The following SKIDA1 variants were observed in gnomAD, a reference collection of about 807,000 sequenced individuals.
SKIDA1 encodes SKI/DACH domain-containing protein 1.
In SKIDA1, 18 loss-of-function variants were observed where a neutral mutation model predicts 51.4. That is an observed-to-expected ratio of 0.35 (90% confidence interval 0.24 to 0.52). The LOEUF is 0.52. Among genes scored for constraint, SKIDA1 ranks in the 20% least tolerant of loss-of-function variants. The probability of loss-of-function intolerance (pLI) is 0.95; values close to 1 mark genes in which losing one functional copy is unlikely to be tolerated. For synonymous variants in SKIDA1, 579 were observed against 500.5 expected (o/e 1.16, Z -2.09); for missense variants, 1,104 against 1,180.6 (o/e 0.94, Z 0.95).
chr10:21,516,403 G>T lies in SKIDA1; in HGVS notation c.1420C>A (p.Pro474Thr). Residue 474 changes from proline to threonine, a missense_variant, in exon 4 of 4, where the codon CCT (proline) becomes ACT (threonine). Pro to Thr is a conservative substitution (Grantham distance 38). This residue lies in a region of SKIDA1 where 938 missense variants were observed against 886.4 expected (regional missense o/e 1.06). Transcript: ENST00000449193. This position sits in a 1 kb window ranked among gnomAD's most constrained non-coding sequence, Gnocchi z 5.7. ...IRFRRTSFCK[P>T]PSVQAQANFL... is the part of the protein sequence containing the mutation. ...TTGGCCTGCGCCTGCACGCTGGGAG[G>T]CTTGCAGAAGCTGGTGCGCCTGAAT... The T allele has an allele frequency of 6.2e-7, 1 of 1,613,476 alleles. No homozygotes were observed. Among genetic ancestry groups the T allele is most frequent in the South Asian group, 1.1e-5 (1 of 91,078 alleles).
chr10:21,522,304 T>TCAC (rs1442331894), intron 2 of SKIDA1, among the ~76,000 whole-genome samples: 1 of 29,780 alleles, frequency 3.4e-5, no homozygotes, highest in African/African-American at 1.3e-4. Flanking sequence ...CACCAGCTCT[T>TCAC]CACCATATAC....
Position 21,514,978 on chromosome 10 carries a change from C to A in SKIDA1, c.*118G>T, listed in dbSNP as rs2032154884. ...TAATCCGATTTCTGTCTTCAAAATGCGATAAACCAGGACTCCAAAGGGGGT... is the reference window on the plus strand; with the variant it reads ...TAATCCGATTTCTGTCTTCAAAATGAGATAAACCAGGACTCCAAAGGGGGT... On this transcript the variant is annotated 3_prime_UTR_variant, in exon 4 of 4. Transcript: ENST00000449193. The A allele has an allele frequency of 3.9e-6, 4 of 1,016,360 alleles. No individual in the cohort carries two copies. The highest frequency in any genetic ancestry group is 3.7e-5 in the African/African-American group (2 of 54,548). 63.0% of individuals were successfully genotyped at this position (1,016,360 alleles called of 1,614,324 possible).
rs1232638678 is a variant in SKIDA1, at chr10:21,514,542, G to A, written c.*554C>T. The A allele has an allele frequency of 1.3e-5, 2 of 148,808 alleles. No individual in the cohort carries two copies. The highest frequency in any genetic ancestry group is 2.5e-5 in the African/African-American group (1 of 40,304). The allele number at this position is 148,808 out of a possible 1,614,324, so 9.2% of individuals were successfully genotyped here. On this transcript the variant is annotated 3_prime_UTR_variant, in exon 4 of 4. Coordinates refer to ENST00000449193, the MANE Select transcript of SKIDA1 (RefSeq NM_207371.4). ...GCAACTACTCTTGGAGAGGGAATAA[G>A]GGGAGTCAAAAGAAAAAGATACCCC...
Position 21,514,210 on chromosome 10 carries a change from C to A in SKIDA1, c.*886G>T, listed in dbSNP as rs11012728. 9.7e-6 allele frequency: 1 copy of A among 102,974 alleles called. No individual in the cohort carries two copies. The highest frequency in any genetic ancestry group is 1.9e-5 in the Non-Finnish European group (1 of 52,156). The allele number at this position is 102,974 out of a possible 1,614,324, so 6.4% of individuals were successfully genotyped here. On this transcript the variant is annotated 3_prime_UTR_variant, in exon 4 of 4. Transcript: ENST00000449193. ...AGCCTGGGCGACACAGCGAGACTCT[C>A]TCCAAAAAAAAAAAAAAAAAAAAAA...
Position 21,517,246 on chromosome 10 carries a change from G to C in SKIDA1, c.577C>G (p.Leu193Val), listed in dbSNP as rs906136033. The C allele has an allele frequency of 1.4e-6, 2 of 1,474,158 alleles. No individual in the cohort carries two copies. Among genetic ancestry groups the C allele is most frequent in the Non-Finnish European group, 1.8e-6 (2 of 1,109,796 alleles). The allele number at this position is 1,474,158 out of a possible 1,614,324, so 91.3% of individuals were successfully genotyped here. ...EIVRSPCKPP[L>V]NYETAPLQGN... ...TGGAGCGGGGCAGTTTCATAGTTTA[G>C]AGGGGGTTTGCACGGCGAGCGCACG... The change falls in exon 4 of 4, where the codon CTA becomes GTA. Residue 193 changes from leucine to valine, a missense_variant. Physicochemically the swap from Leu to Val is conservative, Grantham distance 32. This residue lies in a region of SKIDA1 where 938 missense variants were observed against 886.4 expected (regional missense o/e 1.06). Coordinates refer to ENST00000449193, the MANE Select transcript of SKIDA1 (RefSeq NM_207371.4). The surrounding 1 kb of genome is among the most constrained non-coding windows in gnomAD (Gnocchi z 6.9).
At position 21,516,087 on chromosome 10, in the gene SKIDA1, G is replaced by T; in HGVS notation, c.1736C>A (p.Ser579Tyr). Residue 579 changes from serine (S) to tyrosine (Y), a missense_variant, in exon 4 of 4, where the codon TCT (serine) becomes TAT (tyrosine). Transcript: ENST00000449193. This position sits in a 1 kb window ranked among gnomAD's most constrained non-coding sequence, Gnocchi z 5.7. Reference protein sequence around the residue: ...LTINCLAEGASSPSPKTNNAF... With the variant: ...LTINCLAEGAYSPSPKTNNAF... ...ATTGTTTGTCTTTGGGCTAGGTGAA[G>T]AGGCCCCCTCTGCCAGGCAGTTAAT... 6.2e-7 allele frequency: 1 copy of T among 1,614,040 alleles called. No homozygotes were observed.
rs2032230161 is a variant in SKIDA1, at chr10:21,516,853, C to G, written c.970G>C (p.Glu324Gln). 7.0e-7 allele frequency: 1 copy of G among 1,434,868 alleles called. No individual in the cohort carries two copies. Among genetic ancestry groups the G allele is most frequent in the South Asian group, 1.5e-5 (1 of 66,470 alleles). 88.9% of individuals were successfully genotyped at this position (1,434,868 alleles called of 1,614,324 possible). The change falls in exon 4 of 4, where the codon GAG (glutamate) becomes CAG (glutamine). Residue 324 changes from glutamate (E) to glutamine (Q), a missense_variant. Coordinates refer to ENST00000449193, the MANE Select transcript of SKIDA1 (RefSeq NM_207371.4). This position sits in a 1 kb window ranked among gnomAD's most constrained non-coding sequence, Gnocchi z 5.7. Reference sequence around the variant, plus strand: ...AAGCCGTTGACCAGATGAAACCTCTCCAGGCAAGTGGCCCCCGCGGCGGCC... The same window carrying G: ...AAGCCGTTGACCAGATGAAACCTCTGCAGGCAAGTGGCCCCCGCGGCGGCC... ...AAAAAGATCL[E>Q]RFHLVNGFCP...
At position 21,516,364 on chromosome 10, in the gene SKIDA1, G is replaced by T. The variant is rs753613725; in HGVS notation, c.1459C>A (p.Leu487Met). 1 of 1,613,346 alleles carries T rather than the reference G, an allele frequency of 6.2e-7. No individual in the cohort carries two copies. Among genetic ancestry groups the T allele is most frequent in the South Asian group, 1.1e-5 (1 of 91,076 alleles). ...TTGGTTGCAGCGGCGGCGGAGGCCA[G>T]ATGGTACAAGAAGTTGGCCTGCGCC... ...VQAQANFLYH[L>M]ASAAAATKPA... is the part of the protein sequence containing the mutation. The change falls in exon 4 of 4, where the codon CTG becomes ATG. Residue 487 changes from leucine (L) to methionine (M), a missense_variant. Around this residue, in one of 3 missense-constraint regions of SKIDA1, gnomAD observed 938 missense variants for 886.4 expected, o/e 1.06. Transcript: ENST00000449193. This position sits in a 1 kb window ranked among gnomAD's most constrained non-coding sequence, Gnocchi z 5.7.
chr10:21,524,914 C>T (rs916090839), intron 1 of SKIDA1: 1 of 152,140 alleles, frequency 6.6e-6, no homozygotes, highest in Non-Finnish European at 1.5e-5. Context: ...CTTTACTCTA[C>T]CTTAAGTAGT....
Position 21,516,314 on chromosome 10 carries a change from G to A in SKIDA1, c.1509C>T (p.Gly503=). The A allele has an allele frequency of 6.2e-7, 1 of 1,613,758 alleles. No individual in the cohort carries two copies. The highest frequency in any genetic ancestry group is 8.5e-7 in the Non-Finnish European group (1 of 1,179,908). ...ATKPAAFEDA[G]RLPDLKSSVK... ...CACTACTCTTGAGGTCGGGAAGTCTGCCGGCATCCTCGAAAGCAGCGGGTT... is the reference window on the plus strand; with the variant it reads ...CACTACTCTTGAGGTCGGGAAGTCTACCGGCATCCTCGAAAGCAGCGGGTT... Residue 503 remains glycine (G), a synonymous_variant, in exon 4 of 4, where the codon GGC becomes GGT. Transcript: ENST00000449193. The surrounding 1 kb of genome is among the most constrained non-coding windows in gnomAD (Gnocchi z 5.7).
rs2032193869 is a variant in SKIDA1 at position 21,516,109 on chromosome 10, T to G, written c.1714A>C (p.Asn572His). ...GAAGAGGCCCCCTCTGCCAGGCAGTTAATTGTCAGGTCAGTTCTCTTTACA... is the reference window on the plus strand; with the variant it reads ...GAAGAGGCCCCCTCTGCCAGGCAGTGAATTGTCAGGTCAGTTCTCTTTACA... ...NAVKRTDLTI[N>H]CLAEGASSPS... is the part of the protein sequence containing the mutation. The change falls in exon 4 of 4, where the codon AAC becomes CAC. Residue 572 changes from asparagine to histidine, a missense_variant. Around this residue, in one of 3 missense-constraint regions of SKIDA1, gnomAD observed 938 missense variants for 886.4 expected, o/e 1.06. Coordinates refer to ENST00000449193, the MANE Select transcript of SKIDA1 (RefSeq NM_207371.4). The surrounding 1 kb of genome is among the most constrained non-coding windows in gnomAD (Gnocchi z 5.7). 1 of 1,614,072 alleles carries G rather than the reference T, an allele frequency of 6.2e-7. No homozygotes were observed. The highest frequency in any genetic ancestry group is 8.5e-7 in the Non-Finnish European group (1 of 1,179,896).
At position 21,515,308 on chromosome 10, in the gene SKIDA1, C is replaced by T. The variant is rs753835762; in HGVS notation, c.2515G>A (p.Ala839Thr). Residue 839 changes from alanine (A) to threonine (T), a missense_variant, in exon 4 of 4, where the codon GCA becomes ACA. By Grantham distance (58) the Ala-to-Thr change is moderately conservative. Transcript: ENST00000449193. ...RKKVASNVAS[A>T]VKRPFHFMAN... is the part of the protein sequence containing the mutation. ...ATGAAATGAAATGGCCTTTTCACTGCTGATGCTACATTGCTGGCTACCTTT... is the reference window on the plus strand; with the variant it reads ...ATGAAATGAAATGGCCTTTTCACTGTTGATGCTACATTGCTGGCTACCTTT... The T allele has an allele frequency of 2.5e-5, 40 of 1,614,036 alleles. 3 individuals are homozygous for T. The South Asian group carries it at 4.2e-4, about 17-fold the overall frequency.
At chr10:21,520,472 A>AC (rs2032361857) in intron 3 of SKIDA1, among the ~76,000 whole-genome samples, 3 of 25,638 alleles carry the variant, frequency 1.2e-4, no homozygotes, top group African/African-American at 1.8e-4. Flanking sequence ...TCGCCCTCCC[A>AC]CCCCCACCCC....
chr10:21,516,972 G>A lies in SKIDA1; in HGVS notation c.851C>T (p.Ala284Val). 1 of 1,182,066 alleles carries A rather than the reference G, an allele frequency of 8.5e-7. No individual in the cohort carries two copies. Among genetic ancestry groups the A allele is most frequent in the Non-Finnish European group, 1.1e-6 (1 of 950,900 alleles). 73.2% of individuals were successfully genotyped at this position (1,182,066 alleles called of 1,614,324 possible). A position where few individuals can be genotyped will look rare whatever the true frequency, so the allele number is the denominator to read the frequency against. ...CAGGCGCCGCGCGCCGGCGTGAGGC[G>A]CGAGCAGGCAGTCCTTGGCGCCGCC... ...KRGGAKDCLLAPHAGARRLLL... is the reference protein window; with the variant it reads ...KRGGAKDCLLVPHAGARRLLL... The change falls in exon 4 of 4, where the codon GCG (alanine) becomes GTG (valine). Residue 284 changes from alanine to valine, a missense_variant. Around this residue, in one of 3 missense-constraint regions of SKIDA1, gnomAD observed 938 missense variants for 886.4 expected, o/e 1.06. Transcript: ENST00000449193. This position sits in a 1 kb window ranked among gnomAD's most constrained non-coding sequence, Gnocchi z 5.7.
Position 21,517,521 on chromosome 10 carries a change from A to C in SKIDA1, c.302T>G (p.Leu101Arg), listed in dbSNP as rs768620307. Residue 101 changes from leucine (L) to arginine (R), a missense_variant, in exon 4 of 4, where the codon CTC becomes CGC. Physicochemically the swap from Leu to Arg is moderately radical, Grantham distance 102 (BLOSUM62 -2). Around this residue, in one of 3 missense-constraint regions of SKIDA1, gnomAD observed 938 missense variants for 886.4 expected, o/e 1.06. Transcript: ENST00000449193. This position sits in a 1 kb window ranked among gnomAD's most constrained non-coding sequence, Gnocchi z 6.9. ...LYTSCKTERV[L>R]KTKRRRVGRA... ...GCCGACCCGCCTGCGCTTGGTCTTG[A>C]GGACGCGCTCGGTTTTGCAGGAGGT... is the stretch of plus-strand genomic sequence containing the variant. 1 of 1,576,222 alleles carries C rather than the reference A, an allele frequency of 6.3e-7. No homozygotes were observed. The highest frequency in any genetic ancestry group is 1.3e-5 in the African/African-American group (1 of 74,212).
chr10:21,516,644 G>C lies in SKIDA1; in HGVS notation c.1179C>G (p.Ala393=). Residue 393 remains alanine, a synonymous_variant, in exon 4 of 4, where the codon GCC becomes GCG. Transcript: ENST00000449193. This position sits in a 1 kb window ranked among gnomAD's most constrained non-coding sequence, Gnocchi z 5.7. ...SESSSYSDHA[A]NDSDFGSSLS... ...AACTGGAGCCAAAATCCGAGTCGTT[G>C]GCCGCGTGGTCCGAGTAGGAGCTGG... 6.4e-7 allele frequency: 1 copy of C among 1,551,734 alleles called. No individual in the cohort carries two copies. The highest frequency in any genetic ancestry group is 8.7e-7 in the Non-Finnish European group (1 of 1,147,020).
chr10:21,516,095 C>T lies in SKIDA1; in HGVS notation c.1728G>A (p.Glu576=). 1 of 1,614,042 alleles carries T rather than the reference C, an allele frequency of 6.2e-7. No homozygotes were observed. ...RTDLTINCLA[E]GASSPSPKTN... ...TCTTTGGGCTAGGTGAAGAGGCCCC[C>T]TCTGCCAGGCAGTTAATTGTCAGGT... Residue 576 remains glutamate (E), a synonymous_variant, in exon 4 of 4, where the codon GAG becomes GAA. Coordinates refer to ENST00000449193, the MANE Select transcript of SKIDA1 (RefSeq NM_207371.4). The surrounding 1 kb of genome is among the most constrained non-coding windows in gnomAD (Gnocchi z 5.7).
chr10:21,517,526 G>A lies in SKIDA1; in HGVS notation c.297C>T (p.Arg99=), dbSNP rs1332505634. ...EALYTSCKTE[R]VLKTKRRRVG... Reference sequence around the variant, plus strand: ...CCCGCCTGCGCTTGGTCTTGAGGACGCGCTCGGTTTTGCAGGAGGTGTAGA... The same window carrying A: ...CCCGCCTGCGCTTGGTCTTGAGGACACGCTCGGTTTTGCAGGAGGTGTAGA... The change falls in exon 4 of 4, where the codon CGC becomes CGT. Residue 99 remains arginine, a synonymous_variant. Coordinates refer to ENST00000449193, the MANE Select transcript of SKIDA1 (RefSeq NM_207371.4). This position sits in a 1 kb window ranked among gnomAD's most constrained non-coding sequence, Gnocchi z 6.9. 6 of 1,580,762 alleles carry A rather than the reference G, an allele frequency of 3.8e-6. No homozygotes were observed. In the South Asian group the frequency reaches 6.9e-5, roughly 18 times the overall value.
At position 21,516,738 on chromosome 10, in the gene SKIDA1, G is replaced by A. The variant is rs751132666; in HGVS notation, c.1085C>T (p.Pro362Leu). 7.3e-5 allele frequency: 113 copies of A among 1,549,762 alleles called. 2 individuals carry two copies. In the Middle Eastern group the frequency reaches 5.2e-3, roughly 71 times the overall value. Reference protein sequence around the residue: ...RAQPPQQSHHPPHHHRPQPHL... With the variant: ...RAQPPQQSHHLPHHHRPQPHL... The stretch of plus-strand genomic sequence containing the variant: ...GGGCTGCGGCCGGTGGTGGTGAGGG[G>A]GGTGGTGACTCTGCTGCGGCGGCTG... The change falls in exon 4 of 4, where the codon CCC becomes CTC. Residue 362 changes from proline (P) to leucine (L), a missense_variant. Physicochemically the swap from Pro to Leu is moderately conservative, Grantham distance 98. This residue lies in a region of SKIDA1 where 938 missense variants were observed against 886.4 expected (regional missense o/e 1.06). Coordinates refer to ENST00000449193, the MANE Select transcript of SKIDA1 (RefSeq NM_207371.4). This position sits in a 1 kb window ranked among gnomAD's most constrained non-coding sequence, Gnocchi z 5.7.
Sources: allele counts gnomAD v4.1 joint callset (sites outside exome capture counted in the v4.1 genomes callset), GRCh38; gene constraint gnomAD v4.1.1; regional missense constraint gnomAD v4.1.1; non-coding constraint Gnocchi (gnomAD v3.1); transcripts MANE v1.5; gene names NCBI Gene and HGNC (gene_info 2026-07-23, HGNC 2026-07-21).